Variants in RAP1GDS1 observed in about 807,000 individuals in gnomAD.
The protein encoded by RAP1GDS1 is RAP1, GTP-GDP dissociation stimulator 1.
In RAP1GDS1, 35 loss-of-function variants were observed where a neutral mutation model predicts 71.1. The observed-to-expected ratio is 0.49, with a 90% CI of 0.38 to 0.65. The LOEUF (loss-of-function observed/expected upper bound fraction) is 0.65, where lower values mean the gene tolerates loss of function less well. Ranked by LOEUF, RAP1GDS1 falls within the 30% of genes least tolerant of loss-of-function variation. The probability of loss-of-function intolerance (pLI) is 0.00; values close to 1 mark genes in which losing one functional copy is unlikely to be tolerated. For synonymous variants in RAP1GDS1, 229 were observed against 243.1 expected (o/e 0.94, Z 0.54); for missense variants, 663 against 706.1 (o/e 0.94, Z 0.69).
chr4:98,337,095 A>G lies in RAP1GDS1; in HGVS notation c.113-6044A>G, dbSNP rs535566376. On this transcript the variant is annotated intron_variant, in intron 2 of 14. Transcript: ENST00000408927. Reference sequence around the variant, plus strand: ...TTTTTAGTAGAGATGAGGTTTCACCATGTTGGCCAGGCTTGCCTCCAACTC... The same window carrying G: ...TTTTTAGTAGAGATGAGGTTTCACCGTGTTGGCCAGGCTTGCCTCCAACTC... Among the ~76,000 whole-genome samples, 8 of 152,212 alleles carry G rather than the reference A, an allele frequency of 5.3e-5. No individual in the cohort carries two copies. The South Asian group carries it at 1.5e-3, about 28-fold the overall frequency.
At chr4:98,268,758 C>T (rs532425895) in intron 1 of RAP1GDS1, among the ~76,000 whole-genome samples, 3 of 152,058 alleles carry the variant, frequency 2.0e-5, no homozygotes, top group African/African-American at 7.2e-5. Flanking sequence ...ATAGATTTAA[C>T]CAAGAAGGTG....
intron 7 of RAP1GDS1, among the ~76,000 whole-genome samples, chr4:98,414,981 G>A (rs1441306722): frequency 1.3e-5 from 2 of 152,038 alleles, no homozygotes; most frequent in African/African-American, 4.8e-5. Context: ...TGAAGCAATT[G>A]TGAATAGGAA....
intron 5 of RAP1GDS1, among the ~76,000 whole-genome samples, chr4:98,382,363 A>G (rs1016043293): frequency 2.0e-5 from 3 of 151,628 alleles, no homozygotes; most frequent in African/African-American, 4.8e-5. Flanking sequence ...GAAAAAATAT[A>G]CATGTTTTTC....
chr4:98,281,883 T>G (rs960275514), intron 1 of RAP1GDS1, among the ~76,000 whole-genome samples: 2 of 152,336 alleles, frequency 1.3e-5, no homozygotes, highest in African/African-American at 4.8e-5. Flanking sequence ...GTTTTTGTCA[T>G]TGGTTCTGTT....
At chr4:98,401,524 G>A (rs1745404981) in intron 6 of RAP1GDS1, among the ~76,000 whole-genome samples, 1 of 152,150 alleles carries the variant, frequency 6.6e-6, no homozygotes, top group Admixed American at 6.6e-5. Context: ...TTAGCTAAAA[G>A]AGCTTCATGT....
chr4:98,274,051 A>C (rs1178279071), intron 1 of RAP1GDS1, among the ~76,000 whole-genome samples: 1 of 152,162 alleles, frequency 6.6e-6, no homozygotes, highest in East Asian at 1.9e-4. Context: ...GAAGTATATA[A>C]AGCCATTATT....
intron 3 of RAP1GDS1, among the ~76,000 whole-genome samples, chr4:98,348,728 C>T (rs569032498): frequency 6.6e-6 from 1 of 152,274 alleles, no homozygotes; most frequent in African/African-American, 2.4e-5. Flanking sequence ...TGATGATGAG[C>T]ATTTTTTCAT....
At chr4:98,427,847 A>G (rs1749828962) in intron 12 of RAP1GDS1, among the ~76,000 whole-genome samples, 1 of 152,180 alleles carries the variant, frequency 6.6e-6, no homozygotes, top group Non-Finnish European at 1.5e-5. Flanking sequence ...TCTTCACAGA[A>G]CTAGAAAAAA....
intron 1 of RAP1GDS1, among the ~76,000 whole-genome samples, chr4:98,290,641 AG>A (rs1726784559): frequency 6.6e-6 from 1 of 152,120 alleles, no homozygotes; most frequent in Non-Finnish European, 1.5e-5. Context: ...GGCTTGGCAA[AG>A]TTTGAAGGTT....
intron 2 of RAP1GDS1, among the ~76,000 whole-genome samples, chr4:98,300,791 T>C (rs778538566): frequency 1.3e-5 from 2 of 152,200 alleles, no homozygotes; most frequent in African/African-American, 2.4e-5. Flanking sequence ...ATAGTCACTT[T>C]ATTGAAGTGA....
intron 7 of RAP1GDS1, among the ~76,000 whole-genome samples, chr4:98,408,065 A>G (rs1334803185): frequency 2.0e-5 from 3 of 151,532 alleles, no homozygotes; most frequent in Non-Finnish European, 2.9e-5. Context: ...AGAGGATATT[A>G]TGAACAATTT....
intron 4 of RAP1GDS1, among the ~76,000 whole-genome samples, chr4:98,375,907 C>T (rs1332859280): frequency 6.6e-6 from 1 of 152,112 alleles, no homozygotes; most frequent in Non-Finnish European, 1.5e-5. Context: ...TTTCCTCACC[C>T]TTAGTGTATA....
chr4:98,325,120 C>T (rs1357407906), intron 2 of RAP1GDS1, among the ~76,000 whole-genome samples: 10 of 151,770 alleles, frequency 6.6e-5, no homozygotes, highest in Admixed American at 2.6e-4. Flanking sequence ...AGGACATGAA[C>T]AGACACTTCT....
chr4:98,333,422 A>G (rs1734274361), intron 2 of RAP1GDS1, among the ~76,000 whole-genome samples: 1 of 152,068 alleles, frequency 6.6e-6, no homozygotes, highest in Non-Finnish European at 1.5e-5. Context: ...GTAATTTCAG[A>G]AAATGTTTCC....
intron 4 of RAP1GDS1, among the ~76,000 whole-genome samples, chr4:98,354,050 G>C (rs1048628507): frequency 4.7e-5 from 7 of 149,630 alleles, no homozygotes; most frequent in African/African-American, 1.5e-4. Flanking sequence ...GGTACCAAAA[G>C]TATTCTTTTT....
intron 2 of RAP1GDS1, among the ~76,000 whole-genome samples, chr4:98,332,666 T>A (rs1734170330): frequency 6.6e-6 from 1 of 152,178 alleles, no homozygotes; most frequent in Middle Eastern, 3.2e-3. Flanking sequence ...ATTACCATTC[T>A]AAATGAAAAA....
At position 98,345,578 on chromosome 4, in the gene RAP1GDS1, T is replaced by C. The variant is rs182213783; in HGVS notation, c.235+2317T>C. On this transcript the variant is annotated intron_variant, in intron 3 of 14. Coordinates refer to ENST00000408927, the MANE Select transcript of RAP1GDS1 (RefSeq NM_001100427.2). ...CAAAGGACAAATAAGATATGACATA[T>C]CTGTGAATATTTCAGAATTGGGCTC... 5.0e-4 allele frequency among the ~76,000 whole-genome samples: 76 copies of C among 152,290 alleles called. No individual in the cohort carries two copies. In the Middle Eastern group the frequency reaches 0.024, roughly 48 times the overall value.
rs537236365 is a variant in RAP1GDS1, at chr4:98,406,782, A to T, written c.763+2180A>T. The stretch of plus-strand genomic sequence containing the variant: ...AATTTCAAAAGATTGCTATCATACA[A>T]AGTATTTCTTTGACCTAAGTGAGTT... On this transcript the variant is annotated intron_variant, in intron 7 of 14. Transcript: ENST00000408927. Among the ~76,000 whole-genome samples the T allele has an allele frequency of 3.3e-5, 5 of 152,248 alleles. No homozygotes were observed. In the South Asian group the frequency reaches 8.3e-4, roughly 25 times the overall value.
chr4:98,401,819 C>G (rs1280146206), intron 6 of RAP1GDS1, among the ~76,000 whole-genome samples: 1 of 152,066 alleles, frequency 6.6e-6, no homozygotes, highest in African/African-American at 2.4e-5. Context: ...CAAACAGAGC[C>G]TGAGTTACAT....
Sources: allele counts gnomAD v4.1 joint callset (sites outside exome capture counted in the v4.1 genomes callset), GRCh38; gene constraint gnomAD v4.1.1; transcripts MANE v1.5; gene names NCBI Gene and HGNC (gene_info 2026-07-23, HGNC 2026-07-21).